The following PTPRN2 variants were observed in gnomAD, a reference collection of about 807,000 sequenced individuals.
The protein encoded by PTPRN2 is receptor-type tyrosine-protein phosphatase N2.
Under a neutral mutation model 118.8 loss-of-function variants are expected in PTPRN2, and 74 were observed. The ratio of observed to expected loss-of-function variants is 0.62; its 90% confidence interval spans 0.52 to 0.76. The LOEUF is 0.76. Ranked by LOEUF, PTPRN2 falls within the 30% of genes least tolerant of loss-of-function variation. The pLI, the probability that PTPRN2 is intolerant of heterozygous loss-of-function variation, is 0.00. For missense variants in PTPRN2, 1,481 were observed against 1,394.4 expected (o/e 1.06, Z -0.99); for synonymous variants, 641 against 608.0 (o/e 1.05, Z -0.80).
chr7:158,137,263 A>G (rs1217298801), intron 7 of PTPRN2, among the ~76,000 whole-genome samples: 1 of 152,020 alleles, frequency 6.6e-6, no homozygotes, highest in African/African-American at 2.4e-5. Flanking sequence ...TAAAAATACA[A>G]AAAATTAGCT....
At chr7:158,575,622 T>C (rs1216151427) in intron 1 of PTPRN2, among the ~76,000 whole-genome samples, 4 of 152,174 alleles carry the variant, frequency 2.6e-5, no homozygotes, top group Non-Finnish European at 4.4e-5. Flanking sequence ...CACCTCAGCC[T>C]CCCAAAGTGC....
intron 12 of PTPRN2, among the ~76,000 whole-genome samples, chr7:157,880,588 G>T (rs1166538949): frequency 6.6e-6 from 1 of 152,174 alleles, no homozygotes; most frequent in Admixed American, 6.5e-5. Context: ...TCCTTCTCCA[G>T]CTCTGAGGGC....
At chr7:157,862,984 C>G (rs534634882) in intron 12 of PTPRN2, 2 of 152,240 alleles carry the variant, frequency 1.3e-5, no homozygotes, top group Non-Finnish European at 1.5e-5. Context: ...CGGACGGCAC[C>G]GCGAGGAGGC....
At position 157,690,752 on chromosome 7, in the gene PTPRN2, G is replaced by T. The variant is rs1162660852; in HGVS notation, c.1789-7815C>A. Among the ~76,000 whole-genome samples the T allele has an allele frequency of 1.3e-5, 2 of 151,248 alleles. No individual in the cohort carries two copies. The highest frequency in any genetic ancestry group is 3.0e-5 in the Non-Finnish European group (2 of 67,724). ...TAGGGCGGCCGGAGGAGACAAAGGTGCCGCGCGTCGCTGCTCCAGCAGCAG... is the reference window on the plus strand; with the variant it reads ...TAGGGCGGCCGGAGGAGACAAAGGTTCCGCGCGTCGCTGCTCCAGCAGCAG... On this transcript the variant is annotated intron_variant, in intron 12 of 22. Transcript: ENST00000389418. The surrounding 1 kb of genome is among the most constrained non-coding windows in gnomAD (Gnocchi z 7.1).
chr7:158,118,553 T>G (rs1172187463), intron 9 of PTPRN2, among the ~76,000 whole-genome samples: 1 of 152,174 alleles, frequency 6.6e-6, no homozygotes, highest in Non-Finnish European at 1.5e-5. Flanking sequence ...TCATCATTAA[T>G]TACTTTAAAT....
chr7:158,259,502 G>A lies in PTPRN2; in HGVS notation c.278-54229C>T, dbSNP rs562327369. ...TCTGGAGGCTCCACCAAAGACCGTC[G>A]GCACCAACGGCTGGCATGTTCCTTG... On this transcript the variant is annotated intron_variant, in intron 3 of 22. Coordinates refer to ENST00000389418, the MANE Select transcript of PTPRN2 (RefSeq NM_002847.5). 3.6e-4 allele frequency among the ~76,000 whole-genome samples: 55 copies of A among 152,280 alleles called. 1 individual carries two copies. In the South Asian group the frequency reaches 5.4e-3, roughly 15 times the overall value.
chr7:157,540,920 GA>G, intron 22 of PTPRN2, 135 bp from the exon 23 acceptor site: 1 of 685,706 alleles, frequency 1.5e-6, no homozygotes, highest in Non-Finnish European at 2.5e-6. Context: ...CCATTTCGCA[GA>G]AAGAAATTGT....
intron 12 of PTPRN2, among the ~76,000 whole-genome samples, chr7:157,804,817 C>A (rs973798743): frequency 6.6e-6 from 1 of 152,234 alleles, no homozygotes; most frequent in Admixed American, 6.5e-5. Context: ...TCCCAGCCCC[C>A]CTTCTCCCAG....
At chr7:158,318,197 A>G (rs918871984) in intron 2 of PTPRN2, among the ~76,000 whole-genome samples, 2 of 152,280 alleles carry the variant, frequency 1.3e-5, no homozygotes, top group African/African-American at 4.8e-5. Context: ...GCGGGAACAC[A>G]GGCAGATGTG....
At chr7:158,291,853 G>T (rs1800141975) in intron 3 of PTPRN2, among the ~76,000 whole-genome samples, 1 of 152,182 alleles carries the variant, frequency 6.6e-6, no homozygotes, top group South Asian at 2.1e-4. Flanking sequence ...AACTCAAGAA[G>T]AGAGAGATGA....
At chr7:157,655,908 C>T (rs1043874157) in intron 14 of PTPRN2, among the ~76,000 whole-genome samples, 8 of 151,858 alleles carry the variant, frequency 5.3e-5, no homozygotes, top group African/African-American at 1.9e-4. Context: ...AGCCGAGCAC[C>T]CAGCCCACAC....
intron 2 of PTPRN2, among the ~76,000 whole-genome samples, chr7:158,470,591 C>A (rs1185331506): frequency 6.6e-6 from 1 of 152,174 alleles, no homozygotes; most frequent in Admixed American, 6.5e-5. Context: ...GTTGCGTCAC[C>A]CCGACCGGCT....
At chr7:157,667,925 C>G (rs1438784967) in intron 13 of PTPRN2, among the ~76,000 whole-genome samples, 2 of 152,264 alleles carry the variant, frequency 1.3e-5, no homozygotes, top group Non-Finnish European at 2.9e-5. Context: ...AGCGCCCACA[C>G]CAGCACCCTG....
At chr7:157,644,081 T>C (rs910193757) in intron 14 of PTPRN2, among the ~76,000 whole-genome samples, 1 of 151,244 alleles carries the variant, frequency 6.6e-6, no homozygotes, top group South Asian at 2.1e-4. Flanking sequence ...CTAGAATCCA[T>C]GTGCTGCCTC....
intron 6 of PTPRN2, among the ~76,000 whole-genome samples, chr7:158,149,959 G>C (rs930971400): frequency 6.6e-6 from 1 of 152,132 alleles, no homozygotes; most frequent in Non-Finnish European, 1.5e-5. Context: ...AATAAAAATA[G>C]AAAGTAAGCA....
chr7:158,226,141 T>G (rs1828756227), intron 3 of PTPRN2, among the ~76,000 whole-genome samples: 1 of 152,216 alleles, frequency 6.6e-6, no homozygotes, highest in Admixed American at 6.5e-5. Flanking sequence ...TCTAAGTCCT[T>G]CCTATTTTAA....
At chr7:158,023,717 A>G (rs1310115163) in intron 11 of PTPRN2, among the ~76,000 whole-genome samples, 3 of 152,174 alleles carry the variant, frequency 2.0e-5, no homozygotes, top group Non-Finnish European at 4.4e-5. Flanking sequence ...ACAAATCTTC[A>G]TGCCCAGTTT....
chr7:157,769,746 G>A (rs1248902202), intron 12 of PTPRN2, among the ~76,000 whole-genome samples: 4 of 152,266 alleles, frequency 2.6e-5, no homozygotes, highest in Admixed American at 6.5e-5. Context: ...GGCTCAGCGC[G>A]TTCCTGCCTC....
At chr7:158,448,065 G>A (rs1817849629) in intron 2 of PTPRN2, among the ~76,000 whole-genome samples, 1 of 152,324 alleles carries the variant, frequency 6.6e-6, no homozygotes, top group East Asian at 1.9e-4. Flanking sequence ...GCCAAGCCCA[G>A]CATGGCGTGC....
Sources: gnomAD v4.1 joint callset for allele counts (sites outside exome capture counted in the v4.1 genomes callset) on GRCh38, gnomAD v4.1.1 for gene constraint, Gnocchi (gnomAD v3.1) non-coding constraint, MANE v1.5 for transcripts, NCBI Gene and HGNC (gene_info 2026-07-23, HGNC 2026-07-21) for gene names.